The following SMYD3 variants were observed in gnomAD, a reference collection of about 807,000 sequenced individuals.
SMYD3 encodes the protein histone-lysine N-methyltransferase SMYD3.
In SMYD3, 36 loss-of-function variants were observed where a neutral mutation model predicts 57.7. The observed-to-expected ratio is 0.62, with a 90% CI of 0.48 to 0.82. The LOEUF (loss-of-function observed/expected upper bound fraction) is 0.82. Among genes scored for constraint, SMYD3 ranks in the 40% least tolerant of loss-of-function variants. SMYD3 has a pLI of 0.00. For missense variants in SMYD3, 515 were observed against 538.8 expected, an observed-to-expected ratio of 0.96 and a Z score of 0.44; for synonymous variants, 211 against 195.0, an observed-to-expected ratio of 1.08 and a Z score of -0.68.
At chr1:245,971,430 GA>G (rs1285933878) in intron 5 of SMYD3, among the ~76,000 whole-genome samples, 1 of 120,650 alleles carries the variant, frequency 8.3e-6, no homozygotes, top group Admixed American at 8.9e-5. Flanking sequence ...ACATATCCCA[GA>G]ACTTAAAGTA....
intron 1 of SMYD3, among the ~76,000 whole-genome samples, chr1:246,362,926 G>A (rs553520606): frequency 9.3e-5 from 13 of 140,150 alleles, no homozygotes; most frequent in South Asian, 7.1e-4. Flanking sequence ...GCCGCCCATC[G>A]TCTGGGATGT....
chr1:246,390,548 A>G (rs2066543765), intron 1 of SMYD3, among the ~76,000 whole-genome samples: 1 of 152,214 alleles, frequency 6.6e-6, no homozygotes, highest in Non-Finnish European at 1.5e-5. Flanking sequence ...AATGCTATCC[A>G]ACAGAAATAT....
chr1:245,796,369 C>A (rs1033659537), intron 10 of SMYD3, among the ~76,000 whole-genome samples: 1 of 151,654 alleles, frequency 6.6e-6, no homozygotes, highest in Non-Finnish European at 1.5e-5. Context: ...AAAATGGAGA[C>A]TGATTTCTTG....
intron 1 of SMYD3, among the ~76,000 whole-genome samples, chr1:246,367,381 T>C (rs1337258268): frequency 6.6e-6 from 1 of 152,192 alleles, no homozygotes; most frequent in Non-Finnish European, 1.5e-5. Flanking sequence ...TAAACTAAAT[T>C]TGAAGATGAC....
At chr1:246,286,952 C>T (rs368153245) in intron 5 of SMYD3, among the ~76,000 whole-genome samples, 1 of 150,550 alleles carries the variant, frequency 6.6e-6, no homozygotes, top group East Asian at 1.9e-4. Flanking sequence ...GCTATTGCAA[C>T]CTCCGCCCCC....
intron 8 of SMYD3, among the ~76,000 whole-genome samples, chr1:245,904,490 A>G (rs1211759981): frequency 2.0e-5 from 3 of 152,200 alleles, no homozygotes; most frequent in Non-Finnish European, 4.4e-5. Context: ...CTGTTAGAGG[A>G]GAAAGGAAAA....
intron 5 of SMYD3, among the ~76,000 whole-genome samples, chr1:246,153,114 C>G (rs2148164271): frequency 6.6e-6 from 1 of 152,216 alleles, no homozygotes; most frequent in South Asian, 2.1e-4. Flanking sequence ...ACTCAAGCAC[C>G]AAGCCTCTGC....
chr1:246,253,924 A>G (rs2063836077), intron 5 of SMYD3, among the ~76,000 whole-genome samples: 1 of 152,174 alleles, frequency 6.6e-6, no homozygotes, highest in Non-Finnish European at 1.5e-5. Flanking sequence ...GAAACCTCCA[A>G]TGGCGTTCCA....
rs533890675 is a variant in SMYD3, at chr1:246,363,528, G to A, written c.165-8434C>T. ...GAGAAATCGGATGGTTGCCGTGTCTGTGTAGAAAGAAGTAGACATGGGAGA... is the reference window on the plus strand; with the variant it reads ...GAGAAATCGGATGGTTGCCGTGTCTATGTAGAAAGAAGTAGACATGGGAGA... On this transcript the variant is annotated intron_variant, in intron 1 of 11. Coordinates refer to ENST00000490107, the MANE Select transcript of SMYD3 (RefSeq NM_001167740.2). 2.0e-4 allele frequency among the ~76,000 whole-genome samples: 30 copies of A among 152,332 alleles called. No homozygotes were observed. The East Asian group carries it at 3.9e-3, about 20-fold the overall frequency.
chr1:246,091,371 T>C (rs1014917302), intron 5 of SMYD3, among the ~76,000 whole-genome samples: 1 of 152,078 alleles, frequency 6.6e-6, no homozygotes. Context: ...CCAACTTTCC[T>C]ATGTAGTTTC....
At chr1:245,924,094 G>C (rs1052922428) in intron 7 of SMYD3, among the ~76,000 whole-genome samples, 2 of 152,200 alleles carry the variant, frequency 1.3e-5, no homozygotes, top group Non-Finnish European at 2.9e-5. Flanking sequence ...GGCATTATTT[G>C]TAACAGCTAC....
chr1:245,849,662 T>TTTTGC (rs1227615456), intron 10 of SMYD3, among the ~76,000 whole-genome samples: 1 of 55,522 alleles, frequency 1.8e-5, no homozygotes, highest in African/African-American at 6.6e-5. Context: ...ATATTATTTA[T>TTTTGC]TTTATTTTGA....
intron 5 of SMYD3, among the ~76,000 whole-genome samples, chr1:246,014,900 C>A (rs2059350925): frequency 6.6e-6 from 1 of 152,060 alleles, no homozygotes; most frequent in Admixed American, 6.6e-5. Context: ...AACTCCCAGA[C>A]CTGCCAAAGA....
chr1:245,915,480 CATT>C, intron 8 of SMYD3, 47 bp downstream of exon 8: 1 of 1,172,286 alleles, frequency 8.5e-7, no homozygotes, highest in Non-Finnish European at 1.3e-6. Flanking sequence ...CTCTGAAGAT[CATT>C]GAGATTTTGC....
At chr1:246,340,211 T>C (rs557250044) in intron 2 of SMYD3, among the ~76,000 whole-genome samples, 2 of 150,078 alleles carry the variant, frequency 1.3e-5, no homozygotes, top group East Asian at 1.9e-4. Flanking sequence ...ACATAAAATG[T>C]AAAAACCATA....
At chr1:246,194,671 T>C (rs566853769) in intron 5 of SMYD3, among the ~76,000 whole-genome samples, 3 of 152,334 alleles carry the variant, frequency 2.0e-5, no homozygotes, top group African/African-American at 7.2e-5. Flanking sequence ...CATGTAGCTA[T>C]TTAAATTTAA....
intron 1 of SMYD3, among the ~76,000 whole-genome samples, chr1:246,366,930 CAAAAAAA>C (rs1269333583): frequency 1.4e-4 from 8 of 58,588 alleles, no homozygotes; most frequent in South Asian, 9.3e-4. Flanking sequence ...GACTCCATCT[CAAAAAAA>C]AAAAAAAAAA....
intron 5 of SMYD3, among the ~76,000 whole-genome samples, chr1:246,163,380 G>A (rs1333797557): frequency 6.6e-6 from 1 of 152,226 alleles, no homozygotes; most frequent in Admixed American, 6.5e-5. Context: ...GAAATAGCAA[G>A]AGATTGTATT....
At chr1:245,783,484 G>A (rs1197380011) in intron 10 of SMYD3, among the ~76,000 whole-genome samples, 1 of 151,752 alleles carries the variant, frequency 6.6e-6, no homozygotes, top group African/African-American at 2.4e-5. Flanking sequence ...TAAAATGGGA[G>A]AAAAAGCAAG....
Sources: allele counts gnomAD v4.1 joint callset (sites outside exome capture counted in the v4.1 genomes callset), GRCh38; gene constraint gnomAD v4.1.1; transcripts MANE v1.5; gene names NCBI Gene and HGNC (gene_info 2026-07-23, HGNC 2026-07-21).